Variants in C9orf85 observed in about 807,000 individuals in gnomAD.
C9orf85 encodes chromosome 9 open reading frame 85.
C9orf85 carries 16 observed loss-of-function variants against 14.9 expected under a neutral mutation model. That is an observed-to-expected ratio of 1.08 (90% CI 0.73 to 1.63). The LOEUF is 1.63. Among genes scored for constraint, C9orf85 ranks in the 40% most tolerant of loss-of-function variants. The probability of loss-of-function intolerance (pLI) is 0.00; values close to 1 mark genes in which losing one functional copy is unlikely to be tolerated. For synonymous variants in C9orf85, 45 were observed against 56.8 expected (o/e 0.79, Z 0.93); for missense variants, 172 against 186.1 (o/e 0.92, Z 0.44).
chr9:71,913,840 G>C (rs189630182), intron 1 of C9orf85, among the ~76,000 whole-genome samples: 1 of 151,754 alleles, frequency 6.6e-6, no homozygotes, highest in Non-Finnish European at 1.5e-5. Context: ...GTTTTCCTGG[G>C]TCTCAGGTTC....
intron 2 of C9orf85, among the ~76,000 whole-genome samples, chr9:71,967,747 C>T (rs1459455618): frequency 7.8e-6 from 1 of 127,770 alleles, no homozygotes; most frequent in Non-Finnish European, 1.6e-5. Context: ...GCTGCCATTG[C>T]ACTGCCTAGG....
At chr9:71,970,140 G>A (rs1485816267) in intron 2 of C9orf85, among the ~76,000 whole-genome samples, 2 of 152,022 alleles carry the variant, frequency 1.3e-5, no homozygotes, top group Non-Finnish European at 2.9e-5. Flanking sequence ...TAGGGACGGG[G>A]TTTCACCATG....
At chr9:71,953,206 C>A (rs546577974) in intron 2 of C9orf85, among the ~76,000 whole-genome samples, 1 of 152,290 alleles carries the variant, frequency 6.6e-6, no homozygotes, top group Admixed American at 6.5e-5. Flanking sequence ...AAGCCTTGCT[C>A]TGTACCGAAT....
At chr9:71,971,095 C>A (rs895581104) in intron 2 of C9orf85, among the ~76,000 whole-genome samples, 1 of 152,092 alleles carries the variant, frequency 6.6e-6, no homozygotes, top group Admixed American at 6.6e-5. Context: ...GGATGTCTTT[C>A]CGTATAGTTA....
chr9:71,972,695 G>A lies in C9orf85; in HGVS notation c.327G>A (p.Leu109=), dbSNP rs370077755. 26 of 1,570,756 alleles carry A rather than the reference G, an allele frequency of 1.7e-5. No homozygotes were observed. The African/African-American group carries it at 3.2e-4, about 19-fold the overall frequency. ...AAATTTTTTCTTTCATCTTTAGGTT[G>A]AATAAAGAAACAGAAAAAATAGAAC... ...CGKKEDIVIP[L]NKETEKIEHT... is the part of the protein sequence containing the mutation. Residue 109 remains leucine (L), a synonymous_variant, in exon 4 of 4, where the codon TTG becomes TTA. Coordinates refer to ENST00000334731, the MANE Select transcript of C9orf85 (RefSeq NM_182505.5).
chr9:71,955,384 A>G (rs1822358245), intron 2 of C9orf85, among the ~76,000 whole-genome samples: 1 of 152,094 alleles, frequency 6.6e-6, no homozygotes, highest in Non-Finnish European at 1.5e-5. Flanking sequence ...CCAGAACCAG[A>G]GTAGTTTCAG....
At chr9:71,985,723 G>C (rs1823200478), downstream of C9orf85, 1 of 152,180 alleles carries the variant, frequency 6.6e-6, no homozygotes, top group Non-Finnish European at 1.5e-5. Context: ...CCGACGCCTA[G>C]GTGCTACCTG....
downstream of C9orf85, chr9:71,986,056 A>C (rs1185050744): frequency 1.3e-5 from 2 of 152,248 alleles, no homozygotes; most frequent in Non-Finnish European, 2.9e-5. Flanking sequence ...CAATAAAAAG[A>C]AATAAACTAG....
At chr9:71,923,131 A>G (rs1245419461) in intron 1 of C9orf85, among the ~76,000 whole-genome samples, 2 of 152,234 alleles carry the variant, frequency 1.3e-5, no homozygotes, top group Non-Finnish European at 2.9e-5. Context: ...CTCCGTCTCA[A>G]AAAAAGACTG....
chr9:71,939,080 ATT>A (rs60126332), intron 1 of C9orf85, among the ~76,000 whole-genome samples: 141,733 of 151,550 alleles, frequency 0.94, 66,933 homozygotes, highest in East Asian at 1. Flanking sequence ...TTTTTATAAA[ATT>A]TCTATATTTT....
intron 1 of C9orf85, among the ~76,000 whole-genome samples, chr9:71,913,150 T>C (rs150161037): frequency 6.6e-6 from 1 of 152,342 alleles, no homozygotes; most frequent in African/African-American, 2.4e-5. Context: ...TATATGATTA[T>C]GCATAAATGG....
At chr9:71,958,038 ACAGTT>A (rs1822422581) in intron 2 of C9orf85, among the ~76,000 whole-genome samples, 1 of 151,930 alleles carries the variant, frequency 6.6e-6, no homozygotes, top group African/African-American at 2.4e-5. Context: ...TGAAACCAGA[ACAGTT>A]AAGTCCCTTA....
chr9:71,942,902 CAAAAAA>C (rs10708553), intron 1 of C9orf85, among the ~76,000 whole-genome samples: 1 of 122,906 alleles, frequency 8.1e-6, no homozygotes. Flanking sequence ...GACTCCGACT[CAAAAAA>C]AAAAAAAAAA....
intron 1 of C9orf85, among the ~76,000 whole-genome samples, chr9:71,926,508 A>G (rs1827932068): frequency 6.6e-6 from 1 of 152,146 alleles, no homozygotes; most frequent in South Asian, 2.1e-4. Flanking sequence ...TCCCATGCCC[A>G]GTTAAGAGAG....
At chr9:71,932,126 C>G (rs1231333674) in intron 1 of C9orf85, among the ~76,000 whole-genome samples, 2 of 152,140 alleles carry the variant, frequency 1.3e-5, no homozygotes, top group African/African-American at 4.8e-5. Flanking sequence ...TAGTAATTAC[C>G]TTCTCCTGTA....
chr9:71,959,103 T>G (rs1041383985), intron 2 of C9orf85, among the ~76,000 whole-genome samples: 2 of 152,014 alleles, frequency 1.3e-5, no homozygotes, highest in African/African-American at 4.8e-5. Context: ...AGTGGACAAA[T>G]AAGATATTTA....
chr9:71,920,943 A>G (rs1199382786), intron 1 of C9orf85, among the ~76,000 whole-genome samples: 1 of 152,156 alleles, frequency 6.6e-6, no homozygotes, highest in Non-Finnish European at 1.5e-5. Flanking sequence ...AATTCAGGCC[A>G]TGATGGGAAG....
chr9:71,931,786 C>T (rs1435568206), intron 1 of C9orf85, among the ~76,000 whole-genome samples: 2 of 152,204 alleles, frequency 1.3e-5, no homozygotes, highest in Admixed American at 1.3e-4. Flanking sequence ...TTCTCACCTA[C>T]ACTAACCAGT....
chr9:71,954,203 A>G (rs1230350006), intron 2 of C9orf85, among the ~76,000 whole-genome samples: 2 of 143,506 alleles, frequency 1.4e-5, no homozygotes, highest in Non-Finnish European at 3.0e-5. Context: ...AGGCTAAGAG[A>G]GCTTTGTCAG....
Sources: allele counts gnomAD v4.1 joint callset (sites outside exome capture counted in the v4.1 genomes callset), GRCh38; gene constraint gnomAD v4.1.1; transcripts MANE v1.5; gene names NCBI Gene and HGNC (gene_info 2026-07-23, HGNC 2026-07-21).